The following CTBP2 variants were observed in gnomAD, a reference collection of about 807,000 sequenced individuals.
The protein encoded by CTBP2 is C-terminal binding protein 2.
Under a neutral mutation model 80.3 loss-of-function variants are expected in CTBP2, and 30 were observed. That is an observed-to-expected ratio of 0.37 (90% CI 0.28 to 0.51). The LOEUF (loss-of-function observed/expected upper bound fraction) is 0.51. Ranked by LOEUF, CTBP2 falls within the 20% of genes least tolerant of loss-of-function variation. The probability of loss-of-function intolerance (pLI) is 0.93; values close to 1 mark genes in which losing one functional copy is unlikely to be tolerated. For synonymous variants in CTBP2, 594 were observed against 587.4 expected (o/e 1.01, Z -0.16); for missense variants, 1,212 against 1,375.3 (o/e 0.88, Z 1.88).
At chr10:125,043,438 A>G (rs1228627435) in intron 2 of CTBP2, among the ~76,000 whole-genome samples, 2 of 150,656 alleles carry the variant, frequency 1.3e-5, no homozygotes, top group Admixed American at 1.3e-4. Flanking sequence ...TTCTTTTTCT[A>G]TTTCTTTTTC....
At chr10:125,090,284 T>TAAAAAAAAAAAA (rs1848568222) in intron 2 of CTBP2, among the ~76,000 whole-genome samples, 5 of 55,304 alleles carry the variant, frequency 9.0e-5, no homozygotes, top group African/African-American at 2.5e-4. Flanking sequence ...AGTCCCTGGC[T>TAAAAAAAAAAAA]CAAAAAAAAA....
intron 1 of CTBP2, chr10:125,005,704 C>A (rs751742117): frequency 6.8e-6 from 11 of 1,612,814 alleles, no homozygotes; most frequent in Admixed American, 3.3e-5. Context: ...GAAAATGGTA[C>A]AACTGCCAAA....
At chr10:124,999,794 A>G (rs1954187866) in intron 3 of CTBP2, 1 of 152,264 alleles carries the variant, frequency 6.6e-6, no homozygotes, top group Non-Finnish European at 1.5e-5. Context: ...ATTAAGTCAG[A>G]CAGACTGAGG....
intron 2 of CTBP2, among the ~76,000 whole-genome samples, chr10:125,093,624 G>A (rs536060651): frequency 7.9e-5 from 12 of 152,244 alleles, no homozygotes; most frequent in Admixed American, 7.2e-4. Context: ...TTTCGACACA[G>A]CTGGGTGGGA....
intron 1 of CTBP2, among the ~76,000 whole-genome samples, chr10:125,146,456 ATT>A (rs1210301685): frequency 2.0e-5 from 3 of 147,590 alleles, no homozygotes; most frequent in Non-Finnish European, 3.0e-5. Flanking sequence ...AATTTTTTGT[ATT>A]TTTAGTAGAG....
intron 1 of CTBP2, among the ~76,000 whole-genome samples, chr10:125,024,516 A>C (rs1447823667): frequency 6.6e-6 from 1 of 152,246 alleles, no homozygotes; most frequent in African/African-American, 2.4e-5. Context: ...CAAGTCTAAA[A>C]TAAACAGGAA....
intron 2 of CTBP2, among the ~76,000 whole-genome samples, chr10:125,097,961 C>G (rs1849800570): frequency 1.3e-5 from 2 of 152,130 alleles, no homozygotes; most frequent in South Asian, 4.1e-4. Flanking sequence ...GAAACCCCAT[C>G]TCTACTAAAA....
At chr10:125,063,153 G>A (rs1223101009) in intron 2 of CTBP2, among the ~76,000 whole-genome samples, 1 of 152,226 alleles carries the variant, frequency 6.6e-6, no homozygotes, top group Non-Finnish European at 1.5e-5. Flanking sequence ...GCCATCATTG[G>A]TGGAACCAAA....
rs116643881 is a variant in CTBP2 at position 125,142,895 on chromosome 10, G to A, written c.-206+17424C>T. ...TGGTTTACTCAGGGAAAATCATTTC[G>A]TTACCTCCCGTGGTTTAGTGGCCAG... On this transcript the variant is annotated intron_variant, in intron 1 of 10. Coordinates refer to the CTBP2 transcript ENST00000337195. Among the ~76,000 whole-genome samples the A allele has an allele frequency of 4.5e-3, 678 of 152,204 alleles. 4 individuals carry two copies. Among genetic ancestry groups the A allele is most frequent in the African/African-American group, 0.015 (633 of 41,522 alleles).
intron 2 of CTBP2, among the ~76,000 whole-genome samples, chr10:125,086,613 TAAAAAAAAAAAAAAA>T (rs66522424): frequency 8.6e-6 from 1 of 116,434 alleles, no homozygotes; most frequent in Non-Finnish European, 1.7e-5. Flanking sequence ...AAATTTTATT[TAAAAAAAAAAAAAAA>T]AAAAAAAAGG....
Position 125,026,668 on chromosome 10 carries a change from C to G in CTBP2, c.1092G>C (p.Leu364=). The change falls in exon 1 of 9, where the codon CTG becomes CTC. Residue 364 remains leucine (L), a synonymous_variant. Coordinates refer to ENST00000309035, the MANE Select transcript of CTBP2 (RefSeq NM_022802.3). ...TGAAGCTGCTGGACCGCGCCCGGGGCAGCGGGCCCCCCCGGTCCTGCCTCC... is the reference window on the plus strand; with the variant it reads ...TGAAGCTGCTGGACCGCGCCCGGGGGAGCGGGCCCCCCCGGTCCTGCCTCC... 1 of 1,604,620 alleles carries G rather than the reference C, an allele frequency of 6.2e-7. No individual in the cohort carries two copies. The highest frequency in any genetic ancestry group is 8.5e-7 in the Non-Finnish European group (1 of 1,176,210).
At chr10:125,050,427 T>C (rs1476309929) in intron 2 of CTBP2, among the ~76,000 whole-genome samples, 3 of 152,242 alleles carry the variant, frequency 2.0e-5, no homozygotes, top group African/African-American at 7.2e-5. Context: ...TTCATTTTGC[T>C]TAACACGGTT....
intron 1 of CTBP2, among the ~76,000 whole-genome samples, chr10:125,126,468 A>C (rs1038508078): frequency 6.6e-6 from 1 of 152,220 alleles, no homozygotes; most frequent in Non-Finnish European, 1.5e-5. Context: ...GAAGCACCAG[A>C]AAATGCCATC....
chr10:125,043,809 G>C (rs1472967912), intron 2 of CTBP2, among the ~76,000 whole-genome samples: 1 of 152,216 alleles, frequency 6.6e-6, no homozygotes, highest in Admixed American at 6.5e-5. Flanking sequence ...TATAGAGTAA[G>C]TGCATGCCTT....
At chr10:125,085,540 G>C (rs1445951163) in intron 2 of CTBP2, among the ~76,000 whole-genome samples, 1 of 152,158 alleles carries the variant, frequency 6.6e-6, no homozygotes, top group Non-Finnish European at 1.5e-5. Context: ...TCCATCCCAG[G>C]CTCCAGGCAG....
chr10:125,027,634 C>T lies in CTBP2; in HGVS notation c.126G>A (p.Thr42=), dbSNP rs371058771. The T allele has an allele frequency of 6.2e-6, 10 of 1,613,930 alleles. No individual in the cohort carries two copies. Among genetic ancestry groups the T allele is most frequent in the South Asian group, 2.2e-5 (2 of 91,080 alleles). Reference sequence around the variant, plus strand: ...ACCAAGTCCCCTCTGCTGTGCCATACGTCAGGGAGCTTCTCCTCCCCAGAG... The same window carrying T: ...ACCAAGTCCCCTCTGCTGTGCCATATGTCAGGGAGCTTCTCCTCCCCAGAG... The change falls in exon 1 of 9, where the codon ACG becomes ACA. Residue 42 remains threonine (T), a synonymous_variant. Coordinates refer to ENST00000309035, the MANE Select transcript of CTBP2 (RefSeq NM_022802.3).
At chr10:125,142,587 T>C (rs879161389) in intron 1 of CTBP2, among the ~76,000 whole-genome samples, 1 of 152,216 alleles carries the variant, frequency 6.6e-6, no homozygotes, top group Non-Finnish European at 1.5e-5. Flanking sequence ...CTTGCAGAAC[T>C]GCATGCTAAA....
At chr10:125,023,574 C>T (rs991905897) in intron 1 of CTBP2, among the ~76,000 whole-genome samples, 1 of 152,164 alleles carries the variant, frequency 6.6e-6, no homozygotes, top group Non-Finnish European at 1.5e-5. Flanking sequence ...CAGGTGCTGC[C>T]ACTCACGCGG....
At chr10:125,002,173 C>T (rs761455750) in intron 3 of CTBP2, among the ~76,000 whole-genome samples, 1 of 152,174 alleles carries the variant, frequency 6.6e-6, no homozygotes, top group Non-Finnish European at 1.5e-5. Flanking sequence ...GAGTACAGCC[C>T]CCACCCCCAA....
Sources: allele counts gnomAD v4.1 joint callset (sites outside exome capture counted in the v4.1 genomes callset), GRCh38; gene constraint gnomAD v4.1.1; transcripts MANE v1.5; gene names NCBI Gene and HGNC (gene_info 2026-07-23, HGNC 2026-07-21).